The following LRMDA variants were observed in gnomAD, a reference collection of about 807,000 sequenced individuals.
LRMDA encodes the protein leucine-rich melanocyte differentiation-associated protein.
Under a neutral mutation model 29.8 loss-of-function variants are expected in LRMDA, and 18 were observed. That is an observed-to-expected ratio of 0.60 (90% CI 0.42 to 0.90). The LOEUF (loss-of-function observed/expected upper bound fraction) is 0.90. Among genes scored for constraint, LRMDA ranks in the 40% least tolerant of loss-of-function variants. The pLI, the probability that LRMDA is intolerant of heterozygous loss-of-function variation, is 0.00. For missense variants in LRMDA, 273 were observed against 273.9 expected, an observed-to-expected ratio of 1.00 and a Z score of 0.02; for synonymous variants, 125 against 109.4, an observed-to-expected ratio of 1.14 and a Z score of -0.89.
intron 2 of LRMDA, among the ~76,000 whole-genome samples, chr10:75,723,772 G>A (rs1014853011): frequency 3.3e-5 from 5 of 152,172 alleles, no homozygotes; most frequent in South Asian, 2.1e-4. Context: ...ATGGTGTAGC[G>A]GTGGGACAGT....
At chr10:76,187,929 T>C (rs1200799624) in intron 5 of LRMDA, among the ~76,000 whole-genome samples, 3 of 152,200 alleles carry the variant, frequency 2.0e-5, no homozygotes, top group Non-Finnish European at 2.9e-5. Context: ...GTCATTCTCC[T>C]AGTTCCCAGG....
chr10:75,941,984 A>AT (rs879390343), intron 2 of LRMDA, among the ~76,000 whole-genome samples: 1 of 152,078 alleles, frequency 6.6e-6, no homozygotes, highest in Non-Finnish European at 1.5e-5. Context: ...CTGTATTATT[A>AT]TTTTACATAT....
At chr10:76,341,070 A>G (rs756494561) in intron 6 of LRMDA, among the ~76,000 whole-genome samples, 6 of 152,198 alleles carry the variant, frequency 3.9e-5, no homozygotes, top group Non-Finnish European at 8.8e-5. Flanking sequence ...GAAGAGAAAC[A>G]GAAACAAACT....
chr10:76,270,068 A>G (rs1259674579), intron 5 of LRMDA: 1 of 152,232 alleles, frequency 6.6e-6, no homozygotes, highest in Non-Finnish European at 1.5e-5. Context: ...TATTCTGTGC[A>G]CACCCTGTTC....
intron 2 of LRMDA, among the ~76,000 whole-genome samples, chr10:75,564,127 C>T (rs1246307411): frequency 2.0e-5 from 3 of 152,256 alleles, no homozygotes; most frequent in African/African-American, 7.2e-5. Context: ...CTGTGCCCTG[C>T]CCCTAGAGGT....
chr10:75,450,077 G>A (rs1047796748), intron 2 of LRMDA: 2 of 152,098 alleles, frequency 1.3e-5, no homozygotes, highest in African/African-American at 4.8e-5. Context: ...TTTTTGCTGG[G>A]TGTCTGTGTT....
At position 75,953,183 on chromosome 10, in the gene LRMDA, C is replaced by T. The variant is rs144732779; in HGVS notation, c.132-82825C>T. Among the ~76,000 whole-genome samples the T allele has an allele frequency of 6.4e-3, 973 of 151,794 alleles. 11 individuals are homozygous for T. Among genetic ancestry groups the T allele is most frequent in the African/African-American group, 0.022 (930 of 41,362 alleles). On this transcript the variant is annotated intron_variant, in intron 2 of 6. Transcript: ENST00000611255. The stretch of plus-strand genomic sequence containing the variant: ...GACCTCCTGGGCTCAAGCCATTCTC[C>T]CACCTCAGCCTCCTGAGTAGCTGGG...
chr10:75,647,973 T>C (rs188991125), intron 2 of LRMDA, among the ~76,000 whole-genome samples: 59 of 148,352 alleles, frequency 4.0e-4, no homozygotes, highest in East Asian at 3.4e-3. Context: ...AAAGGAATGG[T>C]TTCCACCCTT....
chr10:75,842,013 C>T lies in LRMDA; in HGVS notation c.132-193995C>T, dbSNP rs577779341. 1.1e-4 allele frequency among the ~76,000 whole-genome samples: 16 copies of T among 152,288 alleles called. No homozygotes were observed. In the East Asian group the frequency reaches 1.4e-3, roughly 13 times the overall value. ...AGTTCCTCAGTTATTTAGATATCCA[C>T]GTTTTTCTGGGTCTTTCTCCATGCC... On this transcript the variant is annotated intron_variant, in intron 2 of 6. Transcript: ENST00000611255.
chr10:76,090,428 G>A (rs186775689), intron 5 of LRMDA, among the ~76,000 whole-genome samples: 3 of 152,318 alleles, frequency 2.0e-5, no homozygotes, highest in Admixed American at 1.3e-4. Flanking sequence ...CTCGTGTGCT[G>A]TTGGTGGGAA....
intron 2 of LRMDA, among the ~76,000 whole-genome samples, chr10:75,497,762 A>G (rs899268811): frequency 1.3e-5 from 2 of 152,028 alleles, no homozygotes; most frequent in Non-Finnish European, 2.9e-5. Context: ...TGCATTTGAA[A>G]TTTATTCCTG....
At chr10:76,261,484 T>TA (rs371742506) in intron 5 of LRMDA, among the ~76,000 whole-genome samples, 6,601 of 149,446 alleles carry the variant, frequency 0.044, 341 homozygotes, top group African/African-American at 0.13. Flanking sequence ...GCACTGGTTC[T>TA]AAAAAAAAAA....
intron 2 of LRMDA, among the ~76,000 whole-genome samples, chr10:75,753,872 G>C (rs1842995852): frequency 6.6e-6 from 1 of 152,156 alleles, no homozygotes; most frequent in Non-Finnish European, 1.5e-5. Flanking sequence ...GAACCAGGGA[G>C]CAGGCAGTAA....
intron 5 of LRMDA, among the ~76,000 whole-genome samples, chr10:76,311,643 T>G (rs920098922): frequency 6.6e-6 from 1 of 152,186 alleles, no homozygotes; most frequent in African/African-American, 2.4e-5. Context: ...GATTATATTT[T>G]CCAAAGCGGC....
intron 6 of LRMDA, among the ~76,000 whole-genome samples, chr10:76,439,781 C>T (rs1387843725): frequency 4.6e-5 from 7 of 152,146 alleles, no homozygotes; most frequent in Non-Finnish European, 7.4e-5. Flanking sequence ...TAAATGCAGG[C>T]GTATGGGTGG....
At chr10:76,467,003 A>G (rs1192214975) in intron 6 of LRMDA, among the ~76,000 whole-genome samples, 1 of 152,196 alleles carries the variant, frequency 6.6e-6, no homozygotes, top group Non-Finnish European at 1.5e-5. Context: ...CCAACTTCCT[A>G]TTCTTAGCCA....
At chr10:76,438,458 T>C (rs1475992252) in intron 6 of LRMDA, 1 of 152,194 alleles carries the variant, frequency 6.6e-6, no homozygotes, top group Non-Finnish European at 1.5e-5. Flanking sequence ...CAAGCATTTG[T>C]GGGAGATACT....
intron 2 of LRMDA, among the ~76,000 whole-genome samples, chr10:75,684,427 C>G (rs561625703): frequency 4.6e-5 from 7 of 152,306 alleles, no homozygotes; most frequent in African/African-American, 1.4e-4. Context: ...TAGACCCTGC[C>G]TTTAACTTTA....
intron 6 of LRMDA, among the ~76,000 whole-genome samples, chr10:76,526,977 A>T (rs1029060213): frequency 8.2e-6 from 1 of 121,512 alleles, no homozygotes; most frequent in African/African-American, 3.2e-5. Flanking sequence ...AAAGTATAAT[A>T]AAATAAATAA....
Sources: gnomAD v4.1 joint callset for allele counts (sites outside exome capture counted in the v4.1 genomes callset) on GRCh38, gnomAD v4.1.1 for gene constraint, MANE v1.5 for transcripts, NCBI Gene and HGNC (gene_info 2026-07-23, HGNC 2026-07-21) for gene names.